PTPRD: variants seen among roughly 807,000 people sequenced by gnomAD.
PTPRD encodes protein tyrosine phosphatase receptor type D.
Under a neutral mutation model 214.5 loss-of-function variants are expected in PTPRD, and 34 were observed. That is an observed-to-expected ratio of 0.16 (90% CI 0.12 to 0.21). PTPRD has a LOEUF of 0.21. PTPRD is among the 10% of genes least tolerant of loss of function. The probability of loss-of-function intolerance (pLI) is 1.00; values close to 1 mark genes in which losing one functional copy is unlikely to be tolerated. For missense variants in PTPRD, 2,545 were observed against 2,398.7 expected, an observed-to-expected ratio of 1.06 and a Z score of -1.27; for synonymous variants, 1,128 against 845.7, an observed-to-expected ratio of 1.33 and a Z score of -5.79.
intron 12 of PTPRD, among the ~76,000 whole-genome samples, chr9:8,714,677 C>G (rs948925442): frequency 6.6e-6 from 1 of 152,008 alleles, no homozygotes; most frequent in Non-Finnish European, 1.5e-5. Flanking sequence ...CCATGGCTAA[C>G]TTCCCTACCT....
At chr9:10,553,588 T>C (rs923650113) in intron 2 of PTPRD, among the ~76,000 whole-genome samples, 1 of 152,180 alleles carries the variant, frequency 6.6e-6, no homozygotes, top group African/African-American at 2.4e-5. Context: ...AATCATTTCA[T>C]ATGCAACTGA....
At chr9:9,070,078 A>G (rs1234785104) in intron 10 of PTPRD, among the ~76,000 whole-genome samples, 1 of 152,166 alleles carries the variant, frequency 6.6e-6, no homozygotes, top group African/African-American at 2.4e-5. Context: ...CATGTATTTC[A>G]AGTGTCAGCA....
chr9:10,104,113 A>T (rs2154217716), intron 3 of PTPRD, among the ~76,000 whole-genome samples: 1 of 151,884 alleles, frequency 6.6e-6, no homozygotes, highest in African/African-American at 2.4e-5. Flanking sequence ...TACCCAGAGT[A>T]GTCAAAGTCA....
Position 10,169,473 on chromosome 9 carries a change from C to CAAAAAAAAAA in PTPRD, c.-544-135693_-544-135684dup, listed in dbSNP as rs59335943. 2.3e-3 allele frequency among the ~76,000 whole-genome samples: 151 copies of CAAAAAAAAAA among 66,816 alleles called. 2 individuals are homozygous for CAAAAAAAAAA. Among genetic ancestry groups the CAAAAAAAAAA allele is most frequent in the African/African-American group, 8.8e-3 (123 of 13,982 alleles). 43.8% of individuals were successfully genotyped at this position (66,816 alleles called of 152,430 possible). A position where few individuals can be genotyped will look rare whatever the true frequency, so the allele number is the denominator to read the frequency against. On this transcript the variant is annotated intron_variant, in intron 3 of 45. Transcript: ENST00000381196. Reference sequence around the variant, plus strand: ...TGGGCGAAAGAGCGAGACTCTGTCTCAAAAAAAAAAAAAAAAAAAAGCAAT... The same window carrying CAAAAAAAAAA: ...TGGGCGAAAGAGCGAGACTCTGTCTCAAAAAAAAAAAAAAAAAAAAAAAAAAAAAAGCAAT...
chr9:10,410,270 T>TATATATATACACAC (rs532202941), intron 2 of PTPRD, among the ~76,000 whole-genome samples: 1 of 139,804 alleles, frequency 7.2e-6, no homozygotes, highest in Non-Finnish European at 1.5e-5. Flanking sequence ...TATATATATA[T>TATATATATACACAC]ACACACACAC....
chr9:10,117,867 T>A (rs1412826231), intron 3 of PTPRD, among the ~76,000 whole-genome samples: 3 of 152,052 alleles, frequency 2.0e-5, no homozygotes, highest in Non-Finnish European at 1.5e-5. Context: ...GCCTTCCCAA[T>A]GCTTTCATGG....
chr9:9,008,894 A>G (rs1589718633), intron 11 of PTPRD, among the ~76,000 whole-genome samples: 1 of 152,144 alleles, frequency 6.6e-6, no homozygotes, highest in East Asian at 1.9e-4. Context: ...GCATAAGGAC[A>G]ATTTTGCTTA....
intron 39 of PTPRD, among the ~76,000 whole-genome samples, chr9:8,362,206 A>C (rs1193403345): frequency 6.6e-6 from 1 of 152,256 alleles, no homozygotes; most frequent in East Asian, 1.9e-4. Context: ...CAACAAAGGC[A>C]TACATACCTA....
At chr9:8,433,965 T>G (rs2095226686) in intron 35 of PTPRD, among the ~76,000 whole-genome samples, 1 of 151,420 alleles carries the variant, frequency 6.6e-6, no homozygotes, top group Non-Finnish European at 1.5e-5. Flanking sequence ...GTGTCCTACA[T>G]AGGGGCACCA....
In PTPRD at chr9:9,644,156, T is replaced by G. The variant is rs150582378; in HGVS notation, c.-286-69375A>C. 5.4e-3 allele frequency among the ~76,000 whole-genome samples: 819 copies of G among 152,312 alleles called. 7 individuals are homozygous for G. Among genetic ancestry groups the G allele is most frequent in the African/African-American group, 0.019 (790 of 41,560 alleles). ...ACATTTATTCATAAAAATGTTTATA[T>G]AGATTTCTTTGTGACAGTAGCAGCA... On this transcript the variant is annotated intron_variant, in intron 7 of 45. Transcript: ENST00000381196.
intron 3 of PTPRD, among the ~76,000 whole-genome samples, chr9:10,107,237 T>G (rs548138890): frequency 7.5e-4 from 114 of 152,162 alleles, no homozygotes; most frequent in African/African-American, 2.4e-3. Context: ...CACACTCTCT[T>G]AGTTGTGGCC....
At chr9:8,683,694 C>A (rs1260473423) in intron 12 of PTPRD, among the ~76,000 whole-genome samples, 1 of 152,172 alleles carries the variant, frequency 6.6e-6, no homozygotes, top group African/African-American at 2.4e-5. Context: ...TGAATCTGGG[C>A]ACAGGGTTGT....
intron 9 of PTPRD, among the ~76,000 whole-genome samples, chr9:9,347,356 A>C (rs1420128732): frequency 1.3e-5 from 2 of 150,756 alleles, no homozygotes; most frequent in African/African-American, 4.9e-5. Flanking sequence ...ATATGCATGC[A>C]TACATATAAG....
At chr9:8,552,886 G>A (rs145958245) in intron 14 of PTPRD, among the ~76,000 whole-genome samples, 112 of 152,270 alleles carry the variant, frequency 7.4e-4, no homozygotes, top group African/African-American at 1.2e-3. Context: ...CACGACTGCC[G>A]CTGTGTGACA....
chr9:10,407,641 GT>G (rs1329355575), intron 2 of PTPRD, among the ~76,000 whole-genome samples: 1 of 151,448 alleles, frequency 6.6e-6, no homozygotes, highest in African/African-American at 2.4e-5. Flanking sequence ...ATACTCTTCT[GT>G]TTAGTGAACT....
chr9:8,636,412 C>T (rs1445794826), intron 13 of PTPRD, among the ~76,000 whole-genome samples: 6 of 152,232 alleles, frequency 3.9e-5, no homozygotes, highest in African/African-American at 1.2e-4. Context: ...AGACGTGGTC[C>T]TGTGAGGTTG....
intron 6 of PTPRD, among the ~76,000 whole-genome samples, chr9:9,760,004 C>T (rs1030259956): frequency 1.3e-5 from 2 of 152,066 alleles, no homozygotes; most frequent in African/African-American, 4.8e-5. Flanking sequence ...GTTAAACTTC[C>T]AGTATTGCCT....
intron 3 of PTPRD, among the ~76,000 whole-genome samples, chr9:10,085,813 C>G (rs1301926515): frequency 6.6e-6 from 1 of 151,826 alleles, no homozygotes. Flanking sequence ...AAACATTCTG[C>G]CTCATCAGTT....
intron 9 of PTPRD, among the ~76,000 whole-genome samples, chr9:9,284,544 A>T (rs1287486960): frequency 1.3e-5 from 2 of 151,774 alleles, no homozygotes; most frequent in African/African-American, 4.8e-5. Flanking sequence ...GGTCCATTCC[A>T]TGAACATCTT....
Sources: gnomAD v4.1 joint callset for allele counts (sites outside exome capture counted in the v4.1 genomes callset) on GRCh38, gnomAD v4.1.1 for gene constraint, MANE v1.5 for transcripts, NCBI Gene and HGNC (gene_info 2026-07-23, HGNC 2026-07-21) for gene names.